The following MTUS2 variants were observed in gnomAD, a reference collection of about 807,000 sequenced individuals.
MTUS2 encodes the protein microtubule-associated tumor suppressor candidate 2.
MTUS2 carries 40 observed loss-of-function variants against 114.1 expected under a neutral mutation model. The observed-to-expected ratio is 0.35, with a 90% CI of 0.27 to 0.46. MTUS2 has a LOEUF of 0.46. MTUS2 is among the 20% of genes least tolerant of loss of function. MTUS2 has a pLI of 1.00. For synonymous variants in MTUS2, 688 were observed against 672.0 expected (o/e 1.02, Z -0.37); for missense variants, 1,679 against 1,705.4 (o/e 0.98, Z 0.27).
At chr13:29,278,974 C>T (rs1029184392) in intron 5 of MTUS2, among the ~76,000 whole-genome samples, 20 of 152,144 alleles carry the variant, frequency 1.3e-4, no homozygotes, top group African/African-American at 4.8e-4. Flanking sequence ...GAAAAACTGA[C>T]TTGTTGTAAT....
intron 6 of MTUS2, among the ~76,000 whole-genome samples, chr13:29,288,804 A>G (rs557765299): frequency 6.6e-6 from 1 of 152,326 alleles, no homozygotes; most frequent in Admixed American, 6.5e-5. Flanking sequence ...TGAGAATGTG[A>G]GAACAGCAGG....
chr13:28,925,548 T>C (rs1210426255), intron 2 of MTUS2, among the ~76,000 whole-genome samples: 1 of 152,214 alleles, frequency 6.6e-6, no homozygotes, highest in African/African-American at 2.4e-5. Flanking sequence ...TTGATTGACT[T>C]GGTGGGGCTC....
At chr13:29,084,281 G>C (rs1298143747) in intron 4 of MTUS2, among the ~76,000 whole-genome samples, 2 of 151,836 alleles carry the variant, frequency 1.3e-5, no homozygotes, top group African/African-American at 4.8e-5. Context: ...GGGTCCAACT[G>C]TGGGCCTCTG....
At chr13:29,161,045 A>G (rs1363080436) in intron 5 of MTUS2, among the ~76,000 whole-genome samples, 2 of 152,238 alleles carry the variant, frequency 1.3e-5, no homozygotes, top group Non-Finnish European at 2.9e-5. Context: ...GTGTGGTTTT[A>G]AAAGGGAAGT....
At chr13:28,989,943 G>A (rs913356425) in intron 2 of MTUS2, among the ~76,000 whole-genome samples, 1 of 150,938 alleles carries the variant, frequency 6.6e-6, no homozygotes, top group Non-Finnish European at 1.5e-5. Context: ...AAACACCTAT[G>A]AGGGTCAGAT....
chr13:28,892,476 C>T (rs1001694411), intron 2 of MTUS2, among the ~76,000 whole-genome samples: 12 of 152,064 alleles, frequency 7.9e-5, no homozygotes, highest in Non-Finnish European at 1.2e-4. Context: ...TGTTTTAACC[C>T]AAAACACACC....
chr13:28,888,844 T>C (rs1366242719), intron 2 of MTUS2, among the ~76,000 whole-genome samples: 4 of 152,200 alleles, frequency 2.6e-5, no homozygotes, highest in African/African-American at 9.7e-5. Flanking sequence ...CCTTGAGATA[T>C]TGCAAGCAAC....
chr13:29,426,117 G>C (rs1265093069), intron 8 of MTUS2, among the ~76,000 whole-genome samples: 1 of 152,160 alleles, frequency 6.6e-6, no homozygotes, highest in Non-Finnish European at 1.5e-5. Flanking sequence ...ATAGGGCTTT[G>C]CTCTGTCTTG....
At chr13:28,956,604 A>G (rs1034897412) in intron 2 of MTUS2, among the ~76,000 whole-genome samples, 6 of 152,212 alleles carry the variant, frequency 3.9e-5, no homozygotes, top group Non-Finnish European at 7.3e-5. Flanking sequence ...CATACATAAT[A>G]AAGACCCAAA....
At chr13:29,483,444 C>T (rs1462136912) in intron 10 of MTUS2, among the ~76,000 whole-genome samples, 1 of 152,072 alleles carries the variant, frequency 6.6e-6, no homozygotes, top group Admixed American at 6.5e-5. Flanking sequence ...GCTCCGGCTA[C>T]ACAGGTGGGT....
intron 6 of MTUS2, among the ~76,000 whole-genome samples, chr13:29,289,441 G>A (rs1341006418): frequency 6.6e-6 from 1 of 151,604 alleles, no homozygotes; most frequent in Admixed American, 6.6e-5. Flanking sequence ...TAAATGAAAG[G>A]ACATAGAACA....
rs147587937 is a variant in MTUS2 at position 29,477,445 on chromosome 13, G to A, written c.3185-2705G>A. 8.4e-4 allele frequency among the ~76,000 whole-genome samples: 128 copies of A among 152,220 alleles called. 2 individuals carry two copies. The highest frequency in any genetic ancestry group is 5.0e-3 in the South Asian group (24 of 4,816). Reference sequence around the variant, plus strand: ...AGAGCTGGAGCTCAAGTAAGCTGGGGTCACAGAACTCCTGGGAACAGGCAT... The same window carrying A: ...AGAGCTGGAGCTCAAGTAAGCTGGGATCACAGAACTCCTGGGAACAGGCAT... On this transcript the variant is annotated intron_variant, in intron 9 of 15. Transcript: ENST00000612955.
intron 5 of MTUS2, among the ~76,000 whole-genome samples, chr13:29,136,811 A>T (rs920062669): frequency 3.7e-4 from 57 of 152,334 alleles, no homozygotes; most frequent in African/African-American, 1.3e-3. Flanking sequence ...TCAAAACCCA[A>T]GGAGGATATC....
chr13:28,841,879 G>T (rs1171019731), intron 2 of MTUS2, among the ~76,000 whole-genome samples: 5 of 152,160 alleles, frequency 3.3e-5, no homozygotes, highest in Non-Finnish European at 7.3e-5. Context: ...TAGAGACGAG[G>T]TTTCGCCATG....
intron 4 of MTUS2, among the ~76,000 whole-genome samples, chr13:29,059,510 C>T: frequency 6.6e-6 from 1 of 152,180 alleles, no homozygotes. Flanking sequence ...CCACAGAGTT[C>T]AGGCAGAAGT....
chr13:29,327,008 T>A (rs773658984), intron 7 of MTUS2, among the ~76,000 whole-genome samples: 7 of 151,952 alleles, frequency 4.6e-5, no homozygotes, highest in Non-Finnish European at 7.4e-5. Flanking sequence ...AATAAAAATT[T>A]AAAAAATAAA....
At chr13:29,148,376 G>A (rs1163791328) in intron 5 of MTUS2, among the ~76,000 whole-genome samples, 1 of 97,932 alleles carries the variant, frequency 1.0e-5, no homozygotes, top group Non-Finnish European at 2.0e-5. Flanking sequence ...TCCACCCTCT[G>A]ACAGACCCCA....
Position 29,378,175 on chromosome 13 carries a change from G to C in MTUS2, c.3117+18702G>C, listed in dbSNP as rs553136183. On this transcript the variant is annotated intron_variant, in intron 8 of 15. Transcript: ENST00000612955. Reference sequence around the variant, plus strand: ...TGAAGCTGTTTTGTATTCTGATTTTGGTGTTATTTATATGCATCTGTATAT... The same window carrying C: ...TGAAGCTGTTTTGTATTCTGATTTTCGTGTTATTTATATGCATCTGTATAT... Among the ~76,000 whole-genome samples, 23 of 152,146 alleles carry C rather than the reference G, an allele frequency of 1.5e-4. No homozygotes were observed. The South Asian group carries it at 2.1e-3, about 14-fold the overall frequency.
In MTUS2 at chr13:28,946,233, T is replaced by C. The variant is rs111584921; in HGVS notation, c.-242-78224T>C. Among the ~76,000 whole-genome samples, 1,219 of 152,120 alleles carry C rather than the reference T, an allele frequency of 8.0e-3. 18 individuals are homozygous for C. The highest frequency in any genetic ancestry group is 0.027 in the African/African-American group (1,107 of 41,524). ...TCACCAGTCTAGCAAGCATTTCCAATGGTGCTTTTACTTTTCCTGGTATCT... is the reference window on the plus strand; with the variant it reads ...TCACCAGTCTAGCAAGCATTTCCAACGGTGCTTTTACTTTTCCTGGTATCT... On this transcript the variant is annotated intron_variant, in intron 2 of 15. Coordinates refer to ENST00000612955, the MANE Select transcript of MTUS2 (RefSeq NM_001033602.4).
Sources: gnomAD v4.1 joint callset for allele counts (sites outside exome capture counted in the v4.1 genomes callset) on GRCh38, gnomAD v4.1.1 for gene constraint, MANE v1.5 for transcripts, NCBI Gene and HGNC (gene_info 2026-07-23, HGNC 2026-07-21) for gene names.